ATAD2B: variants seen among roughly 807,000 people sequenced by gnomAD.
The protein encoded by ATAD2B is ATPase family AAA domain containing 2B.
In ATAD2B, 40 loss-of-function variants were observed where a neutral mutation model predicts 167.6. The ratio of observed to expected loss-of-function variants is 0.24; its 90% confidence interval spans 0.19 to 0.31. The LOEUF (loss-of-function observed/expected upper bound fraction) is 0.31. ATAD2B is among the 10% of genes least tolerant of loss of function. ATAD2B has a pLI of 1.00. For synonymous variants in ATAD2B, 579 were observed against 596.5 expected, an observed-to-expected ratio of 0.97 and a Z score of 0.43; for missense variants, 1,242 against 1,757.2, an observed-to-expected ratio of 0.71 and a Z score of 5.24.
intron 1 of ATAD2B, among the ~76,000 whole-genome samples, chr2:23,924,251 A>G (rs766835779): frequency 9.9e-5 from 15 of 152,226 alleles, no homozygotes; most frequent in South Asian, 4.1e-4. Flanking sequence ...ACAAACAGGA[A>G]TATTATGTTA....
chr2:23,880,456 G>A (rs531722995), intron 7 of ATAD2B, among the ~76,000 whole-genome samples, 183 bp downstream of exon 7: 48 of 151,808 alleles, frequency 3.2e-4, no homozygotes, highest in Admixed American at 2.3e-3. Context: ...CCAGCTACTC[G>A]GGAGGCTGAA....
At chr2:23,891,067 C>G (rs1468399525) in intron 2 of ATAD2B, among the ~76,000 whole-genome samples, 1 of 147,298 alleles carries the variant, frequency 6.8e-6, no homozygotes, top group Non-Finnish European at 1.5e-5. Context: ...GCCACCCAGG[C>G]TGGAGTGCAG....
chr2:23,717,503 G>A, the ATAD2B span, among the ~76,000 whole-genome samples: 14 of 152,116 alleles, frequency 9.2e-5, no homozygotes, highest in Non-Finnish European at 1.9e-4. Flanking sequence ...CCAAATAGAA[G>A]GAGGTGACGG....
chr2:23,881,591 G>C (rs1337376088), intron 6 of ATAD2B, among the ~76,000 whole-genome samples: 1 of 151,994 alleles, frequency 6.6e-6, no homozygotes, highest in Admixed American at 6.6e-5. Context: ...TCGAACTCCA[G>C]ACCTGGTGAT....
In ATAD2B at chr2:23,834,037, T is replaced by C. The variant is rs1689491497; in HGVS notation, c.1610A>G (p.Asp537Gly). 1 of 1,611,254 alleles carries C rather than the reference T, an allele frequency of 6.2e-7. No homozygotes were observed. The highest frequency in any genetic ancestry group is 8.5e-7 in the Non-Finnish European group (1 of 1,178,534). Reference protein sequence around the residue: ...STLLALMDGLDNRGEIVVIGA... With the variant: ...STLLALMDGLGNRGEIVVIGA... ...AATAACAACAATTTCACCCCTATTA[T>C]CTAATCCATCCATAAGAGCAAGGAG... Residue 537 changes from aspartate (D) to glycine (G), a missense_variant, in exon 14 of 28, where the codon GAT becomes GGT. This residue lies in a region of ATAD2B where 151 missense variants were observed against 284.1 expected (regional missense o/e 0.53). Coordinates refer to ENST00000238789, the MANE Select transcript of ATAD2B (RefSeq NM_017552.4).
intron 18 of ATAD2B, among the ~76,000 whole-genome samples, chr2:23,803,305 T>C (rs1192702851): frequency 6.8e-6 from 1 of 147,190 alleles, no homozygotes; most frequent in African/African-American, 2.5e-5. Context: ...CTCAGTAACA[T>C]ATGTGTGTAC....
rs113422420 is a variant in ATAD2B at position 23,875,873 on chromosome 2, C to T, written c.933G>A (p.Thr311=). 1.8e-5 allele frequency: 29 copies of T among 1,610,092 alleles called. No homozygotes were observed. Among genetic ancestry groups the T allele is most frequent in the African/African-American group, 8.0e-5 (6 of 74,968 alleles). ...VPAHQKKREN[T]LFDIHRSPAR... The stretch of plus-strand genomic sequence containing the variant: ...CTGGAGATCTATGAATATCAAACAG[C>T]GTGTTTTCCCTCTTTTTTTGATGAG... The change falls in exon 8 of 28, where the codon ACG becomes ACA. Residue 311 remains threonine, a synonymous_variant. Transcript: ENST00000238789.
chr2:23,771,582 T>A (rs1032649234), intron 22 of ATAD2B, among the ~76,000 whole-genome samples: 5 of 152,212 alleles, frequency 3.3e-5, no homozygotes, highest in Admixed American at 3.3e-4. Context: ...TAATGTGATG[T>A]ATGTGATTAT....
At chr2:23,785,881 G>T in intron 21 of ATAD2B, 146 bp downstream of exon 21, 2 of 645,992 alleles carry the variant, frequency 3.1e-6, no homozygotes, top group Non-Finnish European at 2.5e-6. Flanking sequence ...TGATGACATC[G>T]GTAGTTATCA....
chr2:23,761,408 G>A (rs191513970), intron 24 of ATAD2B, among the ~76,000 whole-genome samples: 17 of 152,292 alleles, frequency 1.1e-4, no homozygotes, highest in Admixed American at 7.8e-4. Context: ...GTAACTGCTC[G>A]TTGGAGCATT....
intron 1 of ATAD2B, among the ~76,000 whole-genome samples, chr2:23,919,138 T>G (rs72796331): frequency 3.9e-4 from 59 of 151,958 alleles, no homozygotes; most frequent in Admixed American, 9.8e-4. Flanking sequence ...AGGCCAGTAG[T>G]TCGAGACTAG....
At chr2:23,761,222 C>T (rs897344378) in intron 24 of ATAD2B, among the ~76,000 whole-genome samples, 4 of 152,204 alleles carry the variant, frequency 2.6e-5, no homozygotes, top group Non-Finnish European at 4.4e-5. Context: ...CAAACTTTCT[C>T]ATATACAAAT....
At chr2:23,684,563 G>A in the ATAD2B span, 39 of 1,527,152 alleles carry the variant, frequency 2.6e-5, no homozygotes, top group Admixed American at 4.5e-5. This position sits in a 1 kb window ranked among gnomAD's most constrained non-coding sequence, Gnocchi z 4.4. Flanking sequence ...AGCTGTGGTC[G>A]GGTCTGTTCC....
chr2:23,918,615 C>T (rs994219182), intron 1 of ATAD2B, among the ~76,000 whole-genome samples: 1 of 152,136 alleles, frequency 6.6e-6, no homozygotes, highest in African/African-American at 2.4e-5. Context: ...TTCATACTTT[C>T]AGTCCCAATA....
chr2:23,865,099 T>C (rs1694942979), intron 10 of ATAD2B, among the ~76,000 whole-genome samples, 175 bp from the exon 11 acceptor site: 1 of 152,142 alleles, frequency 6.6e-6, no homozygotes, highest in Non-Finnish European at 1.5e-5. Flanking sequence ...AAGTTTACAT[T>C]TCAGTTCAGG....
At chr2:23,680,476 C>G in the ATAD2B span, among the ~76,000 whole-genome samples, 1 of 152,194 alleles carries the variant, frequency 6.6e-6, no homozygotes, top group Non-Finnish European at 1.5e-5. The surrounding 1 kb of genome is among the most constrained non-coding windows in gnomAD (Gnocchi z 4.1). Flanking sequence ...GCATCCCGCT[C>G]AAAGCCGAGG....
chr2:23,875,883 C>T lies in ATAD2B; in HGVS notation c.923G>A (p.Arg308Lys). 6.2e-7 allele frequency: 1 copy of T among 1,608,854 alleles called. No homozygotes were observed. Among genetic ancestry groups the T allele is most frequent in the Non-Finnish European group, 8.5e-7 (1 of 1,177,082 alleles). Residue 308 changes from arginine to lysine, a missense_variant, in exon 8 of 28, where the codon AGG (arginine) becomes AAG (lysine). Arg to Lys is a conservative substitution (Grantham distance 26). Transcript: ENST00000238789. ...PPIVPAHQKKRENTLFDIHRS... is the reference protein window; with the variant it reads ...PPIVPAHQKKKENTLFDIHRS... ...ATGAATATCAAACAGCGTGTTTTCC[C>T]TCTTTTTTTGATGAGCTGGTACTAA...
intron 12 of ATAD2B, among the ~76,000 whole-genome samples, chr2:23,858,816 C>G (rs1013325767): frequency 6.6e-6 from 1 of 152,050 alleles, no homozygotes; most frequent in Non-Finnish European, 1.5e-5. Flanking sequence ...ATATGATGTC[C>G]CACCGTATGG....
chr2:23,768,784 TAA>T (rs1677846560), intron 22 of ATAD2B, among the ~76,000 whole-genome samples: 1 of 152,224 alleles, frequency 6.6e-6, no homozygotes, highest in Non-Finnish European at 1.5e-5. Flanking sequence ...TCACTCAGCA[TAA>T]TTATTTAAGC....
Sources: allele counts gnomAD v4.1 joint callset (sites outside exome capture counted in the v4.1 genomes callset), GRCh38; gene constraint gnomAD v4.1.1; regional missense constraint gnomAD v4.1.1; non-coding constraint Gnocchi (gnomAD v3.1); transcripts MANE v1.5; gene names NCBI Gene and HGNC (gene_info 2026-07-23, HGNC 2026-07-21).